Variants in TULP4 observed in about 807,000 individuals in gnomAD.
TULP4 encodes TUB like protein 4, also known as tubby-related protein 4.
TULP4 carries 16 observed loss-of-function variants against 129.0 expected under a neutral mutation model. That is an observed-to-expected ratio of 0.12 (90% CI 0.08 to 0.19). The LOEUF (loss-of-function observed/expected upper bound fraction) is 0.19. Ranked by LOEUF, TULP4 falls within the 10% of genes least tolerant of loss-of-function variation. TULP4 has a pLI of 1.00. For synonymous variants in TULP4, 998 were observed against 854.0 expected, an observed-to-expected ratio of 1.17 and a Z score of -2.94; for missense variants, 1,842 against 2,059.1, an observed-to-expected ratio of 0.89 and a Z score of 2.04.
intron 1 of TULP4, among the ~76,000 whole-genome samples, chr6:158,357,818 A>C (rs750086701): frequency 6.6e-5 from 10 of 151,926 alleles, no homozygotes; most frequent in Non-Finnish European, 1.3e-4. Flanking sequence ...CTCACCTCTT[A>C]ATTTTTTTTC....
intron 1 of TULP4, among the ~76,000 whole-genome samples, chr6:158,403,756 G>A (rs551164625): frequency 2.0e-5 from 3 of 152,304 alleles, no homozygotes; most frequent in South Asian, 4.1e-4. Context: ...GCTCAGGTAT[G>A]TTCCTTTTGC....
chr6:158,373,452 C>G (rs1777115241), intron 1 of TULP4, among the ~76,000 whole-genome samples: 1 of 152,200 alleles, frequency 6.6e-6, no homozygotes, highest in Non-Finnish European at 1.5e-5. Flanking sequence ...ACTGAGTGAA[C>G]AGTTAGAGTG....
chr6:158,305,260 C>T (rs9457337), intron 1 of TULP4, among the ~76,000 whole-genome samples: 26,224 of 150,974 alleles, frequency 0.17, 2,705 homozygotes, highest in Middle Eastern at 0.25. Context: ...AGAGTTCATC[C>T]GTTTGGTAGC....
chr6:158,382,638 A>G lies in TULP4; in HGVS notation c.253-30427A>G, dbSNP rs183350544. On this transcript the variant is annotated intron_variant, in intron 1 of 13. Transcript: ENST00000367097. ...CTCACCTTTGAAAGGATGGTGATTA[A>G]TAGATAAGGTTGACCTCACAGGTGT... is the stretch of plus-strand genomic sequence containing the variant. Among the ~76,000 whole-genome samples, 289 of 152,314 alleles carry G rather than the reference A, an allele frequency of 1.9e-3. 1 individual carries two copies. Among genetic ancestry groups the G allele is most frequent in the Admixed American group, 4.2e-3 (64 of 15,304 alleles).
At chr6:158,415,349 CTT>C (rs561619354) in intron 2 of TULP4, among the ~76,000 whole-genome samples, 20 of 130,544 alleles carry the variant, frequency 1.5e-4, no homozygotes, top group Non-Finnish European at 1.6e-4. Context: ...GAGTGTGCTT[CTT>C]TTTTTTTTTT....
At chr6:158,305,968 C>T (rs1779211402) in intron 1 of TULP4, among the ~76,000 whole-genome samples, 2 of 152,050 alleles carry the variant, frequency 1.3e-5, no homozygotes, top group Admixed American at 1.3e-4. Context: ...GTGAAATGCC[C>T]AACACCACTC....
chr6:158,340,199 G>GT (rs1018534433), intron 1 of TULP4, among the ~76,000 whole-genome samples: 4 of 152,080 alleles, frequency 2.6e-5, no homozygotes, highest in Non-Finnish European at 5.9e-5. Flanking sequence ...AGAAAAATGG[G>GT]TTTTTTGGGG....
At chr6:158,288,702 G>A (rs926211662) in intron 1 of TULP4, among the ~76,000 whole-genome samples, 4 of 151,878 alleles carry the variant, frequency 2.6e-5, no homozygotes, top group East Asian at 1.9e-4. Context: ...GGGTTTCACC[G>A]TGTTAGCCAG....
At chr6:158,303,465 A>G (rs1043482388) in intron 1 of TULP4, among the ~76,000 whole-genome samples, 2 of 152,168 alleles carry the variant, frequency 1.3e-5, no homozygotes, top group East Asian at 3.9e-4. Context: ...ACATGCTTCA[A>G]AGGGTAAAAA....
chr6:158,339,448 G>A (rs186989248), intron 1 of TULP4, among the ~76,000 whole-genome samples: 1 of 152,150 alleles, frequency 6.6e-6, no homozygotes, highest in Non-Finnish European at 1.5e-5. Flanking sequence ...ACTAGAATTC[G>A]CCAGGCTGGA....
chr6:158,480,906 A>G (rs1202483348), intron 7 of TULP4, 149 bp from the exon 8 acceptor site: 5 of 643,304 alleles, frequency 7.8e-6, no homozygotes, highest in Non-Finnish European at 1.3e-5. Context: ...GTTCTACACC[A>G]CATAGTTACC....
At chr6:158,450,537 G>A (rs1779141896) in intron 4 of TULP4, among the ~76,000 whole-genome samples, 1 of 152,112 alleles carries the variant, frequency 6.6e-6, no homozygotes, top group African/African-American at 2.4e-5. Context: ...CCAGTGGCTT[G>A]GGGGCTTTTT....
chr6:158,406,103 A>G (rs1777972929), intron 1 of TULP4, among the ~76,000 whole-genome samples: 1 of 152,064 alleles, frequency 6.6e-6, no homozygotes, highest in Non-Finnish European at 1.5e-5. Context: ...CTGAATACTC[A>G]TTGGCTGAGT....
At chr6:158,472,059 A>G (rs1779695591) in intron 6 of TULP4, among the ~76,000 whole-genome samples, 3 of 152,194 alleles carry the variant, frequency 2.0e-5, no homozygotes, top group African/African-American at 7.2e-5. Flanking sequence ...TAGCTCAGGA[A>G]TTGGATCCTC....
intron 1 of TULP4, among the ~76,000 whole-genome samples, chr6:158,404,941 C>A (rs1372094855): frequency 6.6e-6 from 1 of 151,944 alleles, no homozygotes; most frequent in African/African-American, 2.4e-5. Context: ...GTAAATTTTT[C>A]TTTAAACTGT....
intron 3 of TULP4, among the ~76,000 whole-genome samples, chr6:158,441,271 C>A (rs974983100): frequency 1.3e-5 from 2 of 152,226 alleles, no homozygotes; most frequent in Middle Eastern, 6.8e-3. Context: ...CGAGATCACA[C>A]CACTGCACTC....
chr6:158,294,101 C>T (rs1051967321), intron 1 of TULP4, among the ~76,000 whole-genome samples: 1 of 152,228 alleles, frequency 6.6e-6, no homozygotes, highest in Non-Finnish European at 1.5e-5. Context: ...CAGTGGTTCA[C>T]TCCTGTAATC....
At chr6:158,284,473 C>T (rs1360489003) in intron 1 of TULP4, among the ~76,000 whole-genome samples, 3 of 152,174 alleles carry the variant, frequency 2.0e-5, no homozygotes, top group East Asian at 1.9e-4. Flanking sequence ...GATATGCTGA[C>T]GATAGAAACA....
At chr6:158,323,028 G>A (rs1779672566) in intron 1 of TULP4, among the ~76,000 whole-genome samples, 1 of 152,194 alleles carries the variant, frequency 6.6e-6, no homozygotes, top group Non-Finnish European at 1.5e-5. Context: ...TGGCTTTAGA[G>A]AGGCATTTCT....
Sources: gnomAD v4.1 joint callset for allele counts (sites outside exome capture counted in the v4.1 genomes callset) on GRCh38, gnomAD v4.1.1 for gene constraint, MANE v1.5 for transcripts, NCBI Gene and HGNC (gene_info 2026-07-23, HGNC 2026-07-21) for gene names.